The following CNKSR3 variants were observed in gnomAD, a reference collection of about 807,000 sequenced individuals.
CNKSR3 encodes connector enhancer of kinase suppressor of ras 3.
Under a neutral mutation model 67.7 loss-of-function variants are expected in CNKSR3, and 36 were observed. That is an observed-to-expected ratio of 0.53 (90% confidence interval 0.41 to 0.70). The LOEUF (loss-of-function observed/expected upper bound fraction) is 0.70. CNKSR3 is among the 30% of genes least tolerant of loss of function. The probability of loss-of-function intolerance (pLI) is 0.00; values close to 1 mark genes in which losing one functional copy is unlikely to be tolerated. For synonymous variants in CNKSR3, 281 were observed against 271.4 expected, an observed-to-expected ratio of 1.04 and a Z score of -0.35; for missense variants, 630 against 695.2, an observed-to-expected ratio of 0.91 and a Z score of 1.05.
chr6:154,499,631 TA>T (rs1786943496), intron 1 of CNKSR3, among the ~76,000 whole-genome samples: 1 of 152,146 alleles, frequency 6.6e-6, no homozygotes, highest in African/African-American at 2.4e-5. Context: ...CGGGTTTTTT[TA>T]ATGTGGGGGG....
At chr6:154,414,519 C>T (rs1784978718) in intron 9 of CNKSR3, 96 bp from the exon 10 acceptor site, 4 of 1,295,654 alleles carry the variant, frequency 3.1e-6, no homozygotes, top group African/African-American at 1.5e-5. Context: ...ACACCAACCC[C>T]GTGTCTGAAC....
At chr6:154,509,864 C>T (rs1787178861) in intron 1 of CNKSR3, among the ~76,000 whole-genome samples, 199 bp downstream of exon 1, 1 of 152,222 alleles carries the variant, frequency 6.6e-6, no homozygotes, top group Non-Finnish European at 1.5e-5. Flanking sequence ...TGCCACAATC[C>T]GCACCCTGGA....
chr6:154,489,531 A>AAAAC (rs34366789), intron 1 of CNKSR3, among the ~76,000 whole-genome samples: 11,290 of 150,904 alleles, frequency 0.075, 486 homozygotes, highest in African/African-American at 0.11. Context: ...AGTCCATCTC[A>AAAAC]AAACAAACAA....
At chr6:154,499,135 A>T (rs563653441) in intron 1 of CNKSR3, among the ~76,000 whole-genome samples, 97 of 152,074 alleles carry the variant, frequency 6.4e-4, no homozygotes, top group Admixed American at 5.6e-3. Flanking sequence ...ACCAGCTTTA[A>T]CTCTTCCCTC....
Position 154,387,851 on chromosome 6 carries a change from T to C in CNKSR3, c.*18503A>G, listed in dbSNP as rs1227900784. On this transcript the variant is annotated 3_prime_UTR_variant, in exon 13 of 13. Transcript: ENST00000607772. ...TTGAAATAATAGCTTATAAATAACA[T>C]TGGTCCAGAACTAATAAATGAATTT... The C allele has an allele frequency of 6.6e-6, 1 of 152,210 alleles. No individual in the cohort carries two copies. The highest frequency in any genetic ancestry group is 2.1e-4 in the South Asian group (1 of 4,838). 9.4% of individuals were successfully genotyped at this position (152,210 alleles called of 1,614,324 possible).
At chr6:154,421,593 T>C (rs771800525) in intron 9 of CNKSR3, among the ~76,000 whole-genome samples, 16 of 152,154 alleles carry the variant, frequency 1.1e-4, no homozygotes, top group Admixed American at 2.6e-4. Flanking sequence ...GTGTCGGCAA[T>C]AAGAGGGTAT....
intron 10 of CNKSR3, among the ~76,000 whole-genome samples, chr6:154,413,052 C>G (rs749961346): frequency 1.3e-5 from 2 of 151,842 alleles, no homozygotes; most frequent in Non-Finnish European, 2.9e-5. Flanking sequence ...CTAAATCATC[C>G]TGTACACTCT....
intron 1 of CNKSR3, among the ~76,000 whole-genome samples, chr6:154,495,192 T>A (rs891091581): frequency 6.6e-6 from 1 of 152,164 alleles, no homozygotes; most frequent in Admixed American, 6.5e-5. Context: ...AATGCTGTAA[T>A]AAGAGAGGGC....
At chr6:154,483,564 G>A (rs764451783) in intron 1 of CNKSR3, among the ~76,000 whole-genome samples, 1 of 151,626 alleles carries the variant, frequency 6.6e-6, no homozygotes, top group African/African-American at 2.4e-5. Flanking sequence ...AAAAAAAAAC[G>A]AAACAAAACA....
intron 7 of CNKSR3, 87 bp from the exon 8 acceptor site, chr6:154,423,070 T>G: frequency 1.2e-6 from 1 of 864,058 alleles, no homozygotes; most frequent in Non-Finnish European, 1.8e-6. Context: ...TGTAGACAAT[T>G]AGCAACTGAA....
chr6:154,426,428 C>T (rs1785257324), intron 7 of CNKSR3, among the ~76,000 whole-genome samples: 1 of 151,998 alleles, frequency 6.6e-6, no homozygotes, highest in East Asian at 1.9e-4. Context: ...GTGGCTCGAT[C>T]TCGGCTCACT....
intron 1 of CNKSR3, among the ~76,000 whole-genome samples, chr6:154,492,194 A>C (rs1428950731): frequency 6.6e-6 from 1 of 152,110 alleles, no homozygotes; most frequent in African/African-American, 2.4e-5. Flanking sequence ...GCCTCTGGCC[A>C]TCACCCTCTC....
At chr6:154,436,344 T>C (rs1785471981) in intron 4 of CNKSR3, among the ~76,000 whole-genome samples, 1 of 151,926 alleles carries the variant, frequency 6.6e-6, no homozygotes, top group African/African-American at 2.4e-5. Context: ...GCTAACTCCT[T>C]AATTTTTTTT....
rs1784650053 is a variant in CNKSR3, at chr6:154,395,294, C to T, written c.*11060G>A. Reference sequence around the variant, plus strand: ...TACAAGAGTGCTTTTGAAAAAAGTACTCCAAAGAATTGGGAAAATGATCAT... The same window carrying T: ...TACAAGAGTGCTTTTGAAAAAAGTATTCCAAAGAATTGGGAAAATGATCAT... On this transcript the variant is annotated 3_prime_UTR_variant, in exon 13 of 13. Transcript: ENST00000607772. 1 of 149,244 alleles carries T rather than the reference C, an allele frequency of 6.7e-6. No homozygotes were observed. The highest frequency in any genetic ancestry group is 1.5e-5 in the Non-Finnish European group (1 of 67,340). The allele number at this position is 149,244 out of a possible 1,614,324, so 9.2% of individuals were successfully genotyped here.
chr6:154,410,011 C>A (rs1784875561), intron 12 of CNKSR3, among the ~76,000 whole-genome samples: 1 of 152,118 alleles, frequency 6.6e-6, no homozygotes, highest in African/African-American at 2.4e-5. Context: ...CACGCCACTG[C>A]ACTCCAGCCT....
chr6:154,454,787 G>T (rs1276010767), intron 1 of CNKSR3, among the ~76,000 whole-genome samples: 1 of 151,432 alleles, frequency 6.6e-6, no homozygotes. Context: ...CTCCCAAAGT[G>T]CTAGGATTAC....
At chr6:154,464,740 AG>A (rs1421865162) in intron 1 of CNKSR3, among the ~76,000 whole-genome samples, 6 of 151,544 alleles carry the variant, frequency 4.0e-5, no homozygotes, top group Non-Finnish European at 8.8e-5. Context: ...AAAAGAAAAA[AG>A]AAAAAAAGAA....
chr6:154,443,639 C>A (rs762204594), intron 2 of CNKSR3, among the ~76,000 whole-genome samples: 1 of 151,984 alleles, frequency 6.6e-6, no homozygotes, highest in African/African-American at 2.4e-5. Context: ...GGATTTCCAC[C>A]AGGCGAGACA....
rs113187376 is a variant in CNKSR3, at chr6:154,396,830, C to G, written c.*9524G>C. 6.7e-6 allele frequency: 1 copy of G among 150,094 alleles called. No homozygotes were observed. Among genetic ancestry groups the G allele is most frequent in the Admixed American group, 6.6e-5 (1 of 15,070 alleles). The allele number at this position is 150,094 out of a possible 1,614,324, so 9.3% of individuals were successfully genotyped here. Reference sequence around the variant, plus strand: ...TTTTTTTTTTTTTGAGACGGAGTCTCGCTCTGTCTCCCAGGCTGGAGTGCA... The same window carrying G: ...TTTTTTTTTTTTTGAGACGGAGTCTGGCTCTGTCTCCCAGGCTGGAGTGCA... On this transcript the variant is annotated 3_prime_UTR_variant, in exon 13 of 13. Transcript: ENST00000607772.
Sources: allele counts gnomAD v4.1 joint callset (sites outside exome capture counted in the v4.1 genomes callset), GRCh38; gene constraint gnomAD v4.1.1; transcripts MANE v1.5; gene names NCBI Gene and HGNC (gene_info 2026-07-23, HGNC 2026-07-21).